Variants in GPX4 observed in about 807,000 individuals in gnomAD.
GPX4 encodes the protein glutathione peroxidase 4, also known as phospholipid hydroperoxide glutathione peroxidase GPX4.
GPX4 carries 28 observed loss-of-function variants against 27.8 expected under a neutral mutation model. The observed-to-expected ratio is 1.01, with a 90% CI of 0.75 to 1.38. GPX4 has a LOEUF of 1.38. Ranked by LOEUF, GPX4 falls within the 40% of genes most tolerant of loss-of-function variation. The probability of loss-of-function intolerance (pLI) is 0.00; values close to 1 mark genes in which losing one functional copy is unlikely to be tolerated. For synonymous variants in GPX4, 163 were observed against 107.8 expected (o/e 1.51, Z -3.17); for missense variants, 357 against 274.1 (o/e 1.30, Z -2.14).
At chr19:1,105,943 G>T (rs557453519) in intron 4 of GPX4, 134 bp downstream of exon 4, 246 of 1,111,238 alleles carry the variant, frequency 2.2e-4, no homozygotes, top group Non-Finnish European at 2.9e-4. Context: ...CTCTCACATC[G>T]CGTGGCCTCC....
chr19:1,105,245 C>G lies in GPX4; in HGVS notation c.144C>G (p.Asp48Glu). The G allele has an allele frequency of 6.2e-7, 1 of 1,613,118 alleles. No individual in the cohort carries two copies. The highest frequency in any genetic ancestry group is 1.1e-5 in the South Asian group (1 of 91,088). The change falls in exon 2 of 7, where the codon GAC becomes GAG. Residue 48 changes from aspartate (D) to glutamate (E), a missense_variant. Asp to Glu is a conservative substitution (Grantham distance 45). Transcript: ENST00000354171. ...ARSMHEFSAK[D>E]IDGHMVNLDK... ...CCATGCACGAGTTTTCCGCCAAGGA[C>G]ATCGACGGGCACATGGTTAACCTGG...
At chr19:1,106,119 G>A in intron 4 of GPX4, 123 bp from the exon 5 acceptor site, 1 of 939,222 alleles carries the variant, frequency 1.1e-6, no homozygotes, top group South Asian at 1.6e-5. Flanking sequence ...GGGGGGCTTG[G>A]GGGCACTGTG....
At chr19:1,105,147 C>G (rs2079631992) in intron 1 of GPX4, 39 bp from the exon 2 acceptor site, 1 of 1,607,012 alleles carries the variant, frequency 6.2e-7, no homozygotes, top group Non-Finnish European at 8.5e-7. Flanking sequence ...GGCTCAGCCT[C>G]CCGTCCACGC....
chr19:1,104,964 A>C, intron 1 of GPX4: 5 of 1,479,682 alleles, frequency 3.4e-6, no homozygotes, highest in Non-Finnish European at 4.5e-6. Flanking sequence ...CTAATGTGGC[A>C]CATTTTGGGG....
In GPX4 at chr19:1,105,417, A is replaced by G. The variant is rs1318352398; in HGVS notation, c.231A>G (p.Glu77=). The change falls in exon 3 of 7, where the codon GAA becomes GAG. Residue 77 remains glutamate (E), a synonymous_variant. Transcript: ENST00000354171. ...TGGCCTCCCAGTGAGGCAAGACCGA[A>G]GTAAACTACACTCAGCTCGTCGACC... ...TNVASQUGKT[E]VNYTQLVDLH... 4 of 1,612,086 alleles carry G rather than the reference A, an allele frequency of 2.5e-6. No homozygotes were observed. In the Admixed American group the frequency reaches 6.7e-5, roughly 27 times the overall value.
At position 1,104,846 on chromosome 19, in the gene GPX4, A is replaced by G. The variant is rs1333799382; in HGVS notation, c.85-340A>G. 7.0e-5 allele frequency: 80 copies of G among 1,146,582 alleles called. No individual in the cohort carries two copies. Among genetic ancestry groups the G allele is most frequent in the Non-Finnish European group, 8.2e-5 (75 of 915,678 alleles). The allele number at this position is 1,146,582 out of a possible 1,614,324, so 71.0% of individuals were successfully genotyped here. A position where few individuals can be genotyped will look rare whatever the true frequency, so the allele number is the denominator to read the frequency against. ...GCGGAAGGCCCCAGCGTGCAGGCGC[A>G]GGAGGGCGCGGCGCCGGCGGAAGAA... is the stretch of plus-strand genomic sequence containing the variant. On this transcript the variant is annotated intron_variant, in intron 1 of 6. Transcript: ENST00000354171.
At chr19:1,105,054 G>A (rs1411698718) in intron 1 of GPX4, 132 bp from the exon 2 acceptor site, 28 of 1,471,684 alleles carry the variant, frequency 1.9e-5, no homozygotes, top group Non-Finnish European at 7.3e-6. Context: ...TAAGGAGGAG[G>A]AGCGTTCAGG....
intron 1 of GPX4, chr19:1,104,935 C>T (rs751742835): frequency 3.4e-6 from 5 of 1,460,336 alleles, no homozygotes; most frequent in Non-Finnish European, 4.5e-6. Flanking sequence ...ACCCGGTGCG[C>T]GCGGGGCCCC....
chr19:1,104,955 T>A (rs745337363), intron 1 of GPX4: 1 of 1,482,164 alleles, frequency 6.7e-7, no homozygotes, highest in South Asian at 1.4e-5. Flanking sequence ...CCACACCGGC[T>A]AATGTGGCAC....
chr19:1,104,260 C>T, intron 1 of GPX4, 133 bp downstream of exon 1: 2 of 780,246 alleles, frequency 2.6e-6, no homozygotes, highest in Non-Finnish European at 1.8e-6. Flanking sequence ...GGCTCCCCCT[C>T]CCCACCCCCG....
chr19:1,105,344 C>G (rs1251185787), intron 2 of GPX4, 22 bp from the exon 3 acceptor site: 1 of 1,611,820 alleles, frequency 6.2e-7, no homozygotes, highest in South Asian at 1.1e-5. Flanking sequence ...TTCTTCTGCG[C>G]TGACGCCGCC....
In GPX4 at chr19:1,106,761, G is replaced by A. The variant is rs140757850; in HGVS notation, c.*189G>A. The A allele has an allele frequency of 1.3e-5, 9 of 674,564 alleles. No homozygotes were observed. In the South Asian group the frequency reaches 1.4e-4, roughly 10 times the overall value. The allele number at this position is 674,564 out of a possible 1,614,324, so 41.8% of individuals were successfully genotyped here. ...GCCCCCACCCCTGGCTACCTTGTGG[G>A]AATAAACAGACAAATTAGCCTGCTG... On this transcript the variant is annotated 3_prime_UTR_variant, in exon 7 of 7. Coordinates refer to ENST00000354171, the MANE Select transcript of GPX4 (RefSeq NM_002085.5).
At chr19:1,105,040 C>A in intron 1 of GPX4, 146 bp from the exon 2 acceptor site, 1 of 1,465,904 alleles carries the variant, frequency 6.8e-7, no homozygotes, top group Non-Finnish European at 9.1e-7. Flanking sequence ...GGGGCGTGTG[C>A]GTTTAAGGAG....
In GPX4 at chr19:1,106,409, G is replaced by C. The variant is rs369851110; in HGVS notation, c.511G>C (p.Asp171His). The C allele has an allele frequency of 6.2e-7, 1 of 1,613,512 alleles. No homozygotes were observed. Among genetic ancestry groups the C allele is most frequent in the African/African-American group, 1.3e-5 (1 of 75,002 alleles). The change falls in exon 6 of 7, where the codon GAC becomes CAC. Residue 171 changes from aspartate to histidine, a missense_variant. Transcript: ENST00000354171. Reference protein sequence around the residue: ...IKWNFTKFLIDKNGCVVKRYG... With the variant: ...IKWNFTKFLIHKNGCVVKRYG... ...CACCGTCTCTCCACAGTTCCTCATCGACAAGAACGGCTGCGTGGTGAAGCG... is the reference window on the plus strand; with the variant it reads ...CACCGTCTCTCCACAGTTCCTCATCCACAAGAACGGCTGCGTGGTGAAGCG...
Position 1,106,558 on chromosome 19 carries a change from C to T in GPX4, c.580C>T (p.Pro194Ser), listed in dbSNP as rs375048133. ...CCGACAGGTGATAGAGAAGGACCTG[C>T]CCCACTATTTCTAGCTCCACAAGTG... ...EEPLVIEKDL[P>S]HYF The change falls in exon 7 of 7, where the codon CCC (proline) becomes TCC (serine). Residue 194 changes from proline to serine, a missense_variant. Pro to Ser is a moderately conservative substitution (Grantham distance 74). Coordinates refer to ENST00000354171, the MANE Select transcript of GPX4 (RefSeq NM_002085.5). 146 of 1,613,282 alleles carry T rather than the reference C, an allele frequency of 9.0e-5. No individual in the cohort carries two copies. Among genetic ancestry groups the T allele is most frequent in the Non-Finnish European group, 1.2e-4 (143 of 1,179,818 alleles).
rs1413598385 is a variant in GPX4, at chr19:1,104,023, C to T, written c.-21C>T. 6.6e-7 allele frequency: 1 copy of T among 1,516,510 alleles called. No individual in the cohort carries two copies. The highest frequency in any genetic ancestry group is 8.8e-7 in the Non-Finnish European group (1 of 1,138,288). 93.9% of individuals were successfully genotyped at this position (1,516,510 alleles called of 1,614,324 possible). A position where few individuals can be genotyped will look rare whatever the true frequency, so the allele number is the denominator to read the frequency against. The stretch of plus-strand genomic sequence containing the variant: ...GTCGGCTGGACGAGGGGAGGAGCCG[C>T]TGGCTCCCAGCCCCGCCGCGATGAG... On this transcript the variant is annotated 5_prime_UTR_variant, in exon 1 of 7. Coordinates refer to ENST00000354171, the MANE Select transcript of GPX4 (RefSeq NM_002085.5).
chr19:1,105,604 C>T, intron 3 of GPX4, 54 bp from the exon 4 acceptor site: 1 of 1,600,114 alleles, frequency 6.2e-7, no homozygotes, highest in Non-Finnish European at 8.5e-7. Context: ...TGCAGGGGGC[C>T]CGGACTGAGG....
At chr19:1,106,030 G>T in intron 4 of GPX4, 1 of 706,104 alleles carries the variant, frequency 1.4e-6, no homozygotes, top group Non-Finnish European at 2.3e-6. Flanking sequence ...TGGCCTCCTG[G>T]GGACAGGATG....
At chr19:1,104,468 G>A in intron 1 of GPX4, 1 of 357,946 alleles carries the variant, frequency 2.8e-6, no homozygotes. Flanking sequence ...CAGGGGGCGG[G>A]GTCCGGGACG....
Sources: allele counts gnomAD v4.1 joint callset, GRCh38; gene constraint gnomAD v4.1.1; transcripts MANE v1.5; gene names NCBI Gene and HGNC (gene_info 2026-07-23, HGNC 2026-07-21).